The following LVRN variants were observed in gnomAD, a reference collection of about 807,000 sequenced individuals.
The protein encoded by LVRN is aminopeptidase Q.
In LVRN, 99 loss-of-function variants were observed where a neutral mutation model predicts 111.4. The ratio of observed to expected loss-of-function variants is 0.89; its 90% CI spans 0.76 to 1.05. The LOEUF is 1.05. LVRN is among the 50% of genes least tolerant of loss of function. The probability of loss-of-function intolerance (pLI) is 0.00; values close to 1 mark genes in which losing one functional copy is unlikely to be tolerated. For synonymous variants in LVRN, 488 were observed against 449.5 expected (o/e 1.09, Z -1.08); for missense variants, 1,414 against 1,206.8 (o/e 1.17, Z -2.54).
Position 115,987,935 on chromosome 5 carries a change from A to G in LVRN, c.1101A>G (p.Lys367=), listed in dbSNP as rs779051039. 8.7e-6 allele frequency: 14 copies of G among 1,609,700 alleles called. No homozygotes were observed. Among genetic ancestry groups the G allele is most frequent in the Admixed American group, 3.4e-5 (2 of 59,088 alleles). The change falls in exon 4 of 20, where the codon AAA becomes AAG. Residue 367 remains lysine, a synonymous_variant. Coordinates refer to ENST00000357872, the MANE Select transcript of LVRN (RefSeq NM_173800.5). The stretch of plus-strand genomic sequence containing the variant: ...TTAATATCAGTTACTCTCTTCCAAA[A>G]ACAGGTGAGGTAATCTTTTCCTTTC... ...DLFNISYSLP[K]TDIIALPSFD...
intron 1 of LVRN, chr5:115,976,366 A>G (rs1429847087): frequency 1.3e-5 from 2 of 152,104 alleles, no homozygotes; most frequent in African/African-American, 2.4e-5. Flanking sequence ...AGATTTATCT[A>G]TTTTACTAAT....
intron 1 of LVRN, among the ~76,000 whole-genome samples, chr5:115,973,802 G>C (rs1182108014): frequency 6.6e-6 from 1 of 152,064 alleles, no homozygotes; most frequent in Non-Finnish European, 1.5e-5. Context: ...GGGAGCTGGA[G>C]CCCTTATCTA....
chr5:116,021,602 C>A, intron 18 of LVRN: 1 of 313,798 alleles, frequency 3.2e-6, no homozygotes, highest in Non-Finnish European at 6.2e-6. Context: ...ATTTCAAGTA[C>A]ATATTTTTGA....
At chr5:115,989,136 A>G in intron 4 of LVRN, among the ~76,000 whole-genome samples, 1 of 152,166 alleles carries the variant, frequency 6.6e-6, no homozygotes, top group Non-Finnish European at 1.5e-5. Flanking sequence ...AACCAGAAGG[A>G]TCTTTCCAGA....
At chr5:115,984,529 C>T (rs1287492502) in intron 2 of LVRN, 41 bp from the exon 3 acceptor site, 1 of 1,604,630 alleles carries the variant, frequency 6.2e-7, no homozygotes, top group Admixed American at 1.7e-5. Flanking sequence ...CATGTAATTG[C>T]TTAGATTTGC....
At chr5:115,990,922 G>T (rs543352408) in intron 4 of LVRN, among the ~76,000 whole-genome samples, 1 of 152,238 alleles carries the variant, frequency 6.6e-6, no homozygotes, top group East Asian at 1.9e-4. Context: ...AGGTTTACAG[G>T]AAGATTGTGC....
intron 1 of LVRN, among the ~76,000 whole-genome samples, chr5:115,981,402 T>A (rs1356741156): frequency 6.6e-6 from 1 of 152,174 alleles, no homozygotes; most frequent in Non-Finnish European, 1.5e-5. Context: ...TCATGTTTAA[T>A]CTGTGGTCAG....
intron 18 of LVRN, among the ~76,000 whole-genome samples, chr5:116,019,642 T>C (rs76123273): frequency 0.047 from 7,173 of 152,360 alleles, 263 homozygotes; most frequent in South Asian, 0.14. Context: ...TGCTTTTTAA[T>C]GTGTAGAGTT....
chr5:116,006,661 G>A (rs1470367394), intron 13 of LVRN, among the ~76,000 whole-genome samples: 2 of 152,074 alleles, frequency 1.3e-5, no homozygotes, highest in Admixed American at 1.3e-4. Flanking sequence ...ACCAATCATG[G>A]TTACATTACT....
rs370356534 is a variant in LVRN, at chr5:115,989,621, AC to A, written c.1105+1683del. On this transcript the variant is annotated intron_variant, in intron 4 of 19. Transcript: ENST00000357872. ...ATGGCAGTCAGGTGGTCAACAGTAAACTTTTTGTGGGATGGAGGAAATAAAT... is the reference window on the plus strand; with the variant it reads ...ATGGCAGTCAGGTGGTCAACAGTAAATTTTTGTGGGATGGAGGAAATAAAT... Among the ~76,000 whole-genome samples, 95 of 152,254 alleles carry A rather than the reference AC, an allele frequency of 6.2e-4. 1 individual carries two copies. The East Asian group carries it at 0.018, about 29-fold the overall frequency.
In LVRN at chr5:115,962,505, G is replaced by A; in HGVS notation, c.-113G>A. On this transcript the variant is annotated 5_prime_UTR_variant, in exon 1 of 20. Coordinates refer to ENST00000357872, the MANE Select transcript of LVRN (RefSeq NM_173800.5). The stretch of plus-strand genomic sequence containing the variant: ...GTCCAGGCTCTTCCAGGAGGAAGAG[G>A]CACGATACAAGAGAGGAGGGGCAGG... 1.0e-6 allele frequency: 1 copy of A among 958,520 alleles called. No individual in the cohort carries two copies. Among genetic ancestry groups the A allele is most frequent in the Non-Finnish European group, 1.6e-6 (1 of 633,168 alleles). The allele number at this position is 958,520 out of a possible 1,614,324, so 59.4% of individuals were successfully genotyped here.
At chr5:116,016,369 A>G (rs1489109560) in intron 18 of LVRN, among the ~76,000 whole-genome samples, 3 of 152,238 alleles carry the variant, frequency 2.0e-5, no homozygotes, top group Non-Finnish European at 4.4e-5. Context: ...GTATGTCACT[A>G]GTCCTCATGT....
intron 18 of LVRN, among the ~76,000 whole-genome samples, chr5:116,018,273 G>A (rs1166901182): frequency 2.6e-5 from 4 of 151,958 alleles, no homozygotes; most frequent in South Asian, 4.2e-4. Flanking sequence ...TCTGATTCCC[G>A]GTTCTCTATT....
intron 4 of LVRN, among the ~76,000 whole-genome samples, chr5:115,990,667 G>A (rs1490337552): frequency 1.3e-5 from 2 of 152,148 alleles, no homozygotes; most frequent in Non-Finnish European, 2.9e-5. Flanking sequence ...CGCCTCCTAA[G>A]TTCAAGTGAT....
chr5:115,999,990 A>G lies in LVRN; in HGVS notation c.1515+88A>G, dbSNP rs1390221298. 10 of 1,366,744 alleles carry G rather than the reference A, an allele frequency of 7.3e-6. No homozygotes were observed. In the African/African-American group the frequency reaches 7.3e-5, roughly 10 times the overall value. 84.7% of individuals were successfully genotyped at this position (1,366,744 alleles called of 1,614,324 possible). A position where few individuals can be genotyped will look rare whatever the true frequency, so the allele number is the denominator to read the frequency against. On this transcript the variant is annotated intron_variant, in intron 7 of 19. Transcript: ENST00000357872. ...TCTAAGGGTCCTATATCATCATACA[A>G]CTTAAAACATTTTATGAAAATAACC...
chr5:115,963,195 G>T lies in LVRN; in HGVS notation c.578G>T (p.Ser193Ile). ...ACGGAATACATGGTGCTGGAGCTCA[G>T]TGAGCCCCTGAAACCTGGTAGCAGC... is the stretch of plus-strand genomic sequence containing the variant. ...LDTEYMVLELSEPLKPGSSYE... is the reference protein window; with the variant it reads ...LDTEYMVLELIEPLKPGSSYE... The change falls in exon 1 of 20, where the codon AGT becomes ATT. Residue 193 changes from serine (S) to isoleucine (I), a missense_variant. Ser to Ile is a moderately radical substitution (Grantham distance 142). Coordinates refer to ENST00000357872, the MANE Select transcript of LVRN (RefSeq NM_173800.5). The T allele has an allele frequency of 6.2e-7, 1 of 1,612,846 alleles. No individual in the cohort carries two copies. The highest frequency in any genetic ancestry group is 8.5e-7 in the Non-Finnish European group (1 of 1,179,782).
At chr5:116,002,788 T>G in intron 10 of LVRN, 47 bp from the exon 11 acceptor site, 1 of 1,381,580 alleles carries the variant, frequency 7.2e-7, no homozygotes, top group Admixed American at 1.8e-5. Context: ...AGAGTGTATG[T>G]TTTTATGTGT....
Position 115,991,616 on chromosome 5 carries a change from A to AAC in LVRN, c.1106-507_1106-506insAC, listed in dbSNP as rs1406811399. On this transcript the variant is annotated intron_variant, in intron 4 of 19. Coordinates refer to ENST00000357872, the MANE Select transcript of LVRN (RefSeq NM_173800.5). ...ACCTATAGTGACTGTACCATTTTGC[A>AAC]TCCCCACGAGCAATGAATGAGAGTT... 3.3e-5 allele frequency among the ~76,000 whole-genome samples: 5 copies of AAC among 152,326 alleles called. No homozygotes were observed. In the East Asian group the frequency reaches 9.6e-4, roughly 29 times the overall value.
At chr5:116,009,002 C>T (rs930228064) in intron 13 of LVRN, among the ~76,000 whole-genome samples, 4 of 152,208 alleles carry the variant, frequency 2.6e-5, no homozygotes, top group African/African-American at 9.6e-5. Context: ...CCTTTTATAG[C>T]TAGAGAGGAC....
Sources: gnomAD v4.1 joint callset for allele counts (sites outside exome capture counted in the v4.1 genomes callset) on GRCh38, gnomAD v4.1.1 for gene constraint, MANE v1.5 for transcripts, NCBI Gene and HGNC (gene_info 2026-07-23, HGNC 2026-07-21) for gene names.